Variants in TRPC3 observed in about 807,000 individuals in gnomAD.
TRPC3 encodes short transient receptor potential channel 3.
Under a neutral mutation model 90.9 loss-of-function variants are expected in TRPC3, and 54 were observed. The ratio of observed to expected loss-of-function variants is 0.59; its 90% CI spans 0.48 to 0.75. TRPC3 has a LOEUF of 0.75. TRPC3 is among the 30% of genes least tolerant of loss of function. The pLI, the probability that TRPC3 is intolerant of heterozygous loss-of-function variation, is 0.00. For missense variants in TRPC3, 918 were observed against 1,194.5 expected (o/e 0.77, Z 3.41); for synonymous variants, 424 against 450.9 (o/e 0.94, Z 0.75).
chr4:121,932,767 T>C lies in TRPC3; in HGVS notation c.491A>G (p.Glu164Gly). 2 of 1,613,594 alleles carry C rather than the reference T, an allele frequency of 1.2e-6. No homozygotes were observed. Among genetic ancestry groups the C allele is most frequent in the Non-Finnish European group, 1.7e-6 (2 of 1,179,682 alleles). The change falls in exon 2 of 12, where the codon GAG (glutamate) becomes GGG (glycine). Residue 164 changes from glutamate to glycine, a missense_variant. By Grantham distance (98) the Glu-to-Gly change is moderately conservative (BLOSUM62 -2). This residue lies in a region of TRPC3 where 609 missense variants were observed against 725.9 expected (regional missense o/e 0.84). Coordinates refer to ENST00000379645, the MANE Select transcript of TRPC3 (RefSeq NM_001130698.2). This position sits in a 1 kb window ranked among gnomAD's most constrained non-coding sequence, Gnocchi z 7.7. ...CAGGTTCTCCTTCTTGAGCAGCAGC[T>C]CGGTCACCTCCAGGTGCTCGTTGCC... The part of the protein sequence containing the change: ...AVGNEHLEVT[E>G]LLLKKENLAR...
chr4:121,876,325 A>G lies in TRPC3; in HGVS notation c.*3411T>C, dbSNP rs1370690276. Among the ~76,000 whole-genome samples, 2 of 152,200 alleles carry G rather than the reference A, an allele frequency of 1.3e-5. No individual in the cohort carries two copies. The highest frequency in any genetic ancestry group is 3.9e-4 in the East Asian group (2 of 5,188). ...CTTTATTTAAAAAATTTAAAAAGACATGGAAAGAAAGATTACCACCTTGGA... is the reference window on the plus strand; with the variant it reads ...CTTTATTTAAAAAATTTAAAAAGACGTGGAAAGAAAGATTACCACCTTGGA... On this transcript the variant is annotated 3_prime_UTR_variant, in exon 12 of 12. Transcript: ENST00000379645.
chr4:121,949,030 T>C (rs1730593151), intron 1 of TRPC3, among the ~76,000 whole-genome samples: 1 of 152,224 alleles, frequency 6.6e-6, no homozygotes, highest in African/African-American at 2.4e-5. Context: ...AGCCTACACT[T>C]TGCAAATATG....
chr4:121,898,387 T>G (rs1728590121), intron 10 of TRPC3, among the ~76,000 whole-genome samples: 1 of 152,174 alleles, frequency 6.6e-6, no homozygotes, highest in South Asian at 2.1e-4. Context: ...AGCAGCGGCA[T>G]TAGATTCTCC....
intron 1 of TRPC3, among the ~76,000 whole-genome samples, chr4:121,941,546 A>C (rs920181100): frequency 2.0e-5 from 3 of 152,210 alleles, no homozygotes; most frequent in Non-Finnish European, 2.9e-5. Context: ...AGATGGTGAT[A>C]ATTGGAAATG....
At chr4:121,914,056 C>G (rs1729207505) in intron 4 of TRPC3, among the ~76,000 whole-genome samples, 1 of 152,232 alleles carries the variant, frequency 6.6e-6, no homozygotes, top group African/African-American at 2.4e-5. Flanking sequence ...CCTGTAATAA[C>G]TGGCATGAAT....
At chr4:121,884,059 C>G (rs1728029357) in intron 10 of TRPC3, among the ~76,000 whole-genome samples, 1 of 152,062 alleles carries the variant, frequency 6.6e-6, no homozygotes, top group Non-Finnish European at 1.5e-5. Context: ...AGACAAATTG[C>G]AGTATTTTCA....
intron 10 of TRPC3, among the ~76,000 whole-genome samples, chr4:121,898,865 A>C (rs1432004036): frequency 6.6e-6 from 1 of 152,154 alleles, no homozygotes; most frequent in Non-Finnish European, 1.5e-5. Flanking sequence ...AATTTACAAA[A>C]ATTTTCTTAA....
intron 1 of TRPC3, chr4:121,950,455 G>C (rs974873678): frequency 6.6e-6 from 1 of 152,312 alleles, no homozygotes; most frequent in Non-Finnish European, 1.5e-5. Flanking sequence ...TCTCTACCTA[G>C]TTCTGAGCGT....
intron 7 of TRPC3, among the ~76,000 whole-genome samples, chr4:121,905,289 GAGA>G (rs1728842238): frequency 6.6e-6 from 1 of 152,076 alleles, no homozygotes; most frequent in East Asian, 1.9e-4. Flanking sequence ...CAAGGGTAGG[GAGA>G]AGGACAGGCA....
chr4:121,932,831 C>T lies in TRPC3; in HGVS notation c.427G>A (p.Val143Met), dbSNP rs776988235. 6.2e-7 allele frequency: 1 copy of T among 1,609,548 alleles called. No homozygotes were observed. The highest frequency in any genetic ancestry group is 1.1e-5 in the South Asian group (1 of 90,716). Residue 143 changes from valine (V) to methionine (M), a missense_variant, in exon 2 of 12, where the codon GTG becomes ATG. By Grantham distance (21) the Val-to-Met change is conservative. Around this residue, in one of 4 missense-constraint regions of TRPC3, gnomAD observed 609 missense variants for 725.9 expected, o/e 0.84. Transcript: ENST00000379645. The surrounding 1 kb of genome is among the most constrained non-coding windows in gnomAD (Gnocchi z 7.7). Reference sequence around the variant, plus strand: ...AGCGCGTTCTGGCCCATGTAGTCCACGCAGTTGACGTTCAGCGTCTTGGAC... The same window carrying T: ...AGCGCGTTCTGGCCCATGTAGTCCATGCAGTTGACGTTCAGCGTCTTGGAC... Reference protein sequence around the residue: ...EESKTLNVNCVDYMGQNALQL... With the variant: ...EESKTLNVNCMDYMGQNALQL...
chr4:121,948,177 GA>G (rs5861549), intron 1 of TRPC3, among the ~76,000 whole-genome samples: 104,427 of 145,232 alleles, frequency 0.72, 37,347 homozygotes, highest in East Asian at 0.84. Flanking sequence ...CCTTTAAAAA[GA>G]AAAAAAAAAA....
At chr4:121,919,458 T>C (rs1268258201) in intron 3 of TRPC3, among the ~76,000 whole-genome samples, 1 of 152,240 alleles carries the variant, frequency 6.6e-6, no homozygotes, top group African/African-American at 2.4e-5. Flanking sequence ...CTAAAACTTA[T>C]ATTGCACAGG....
At chr4:121,899,200 A>G (rs1380523154) in intron 10 of TRPC3, among the ~76,000 whole-genome samples, 2 of 152,196 alleles carry the variant, frequency 1.3e-5, no homozygotes, top group African/African-American at 4.8e-5. Flanking sequence ...TAAAAAATGG[A>G]TCACCTGAAA....
intron 10 of TRPC3, among the ~76,000 whole-genome samples, chr4:121,894,875 C>T (rs954149996): frequency 6.6e-6 from 1 of 152,008 alleles, no homozygotes; most frequent in Non-Finnish European, 1.5e-5. Flanking sequence ...TTCTTTTAAT[C>T]AGCACGTGGT....
intron 1 of TRPC3, among the ~76,000 whole-genome samples, chr4:121,939,049 C>T (rs1402038142): frequency 1.3e-5 from 2 of 152,152 alleles, no homozygotes; most frequent in African/African-American, 4.8e-5. Context: ...TCAAGGGGTA[C>T]TCCCGTACTA....
At position 121,876,023 on chromosome 4, in the gene TRPC3, T is replaced by C. The variant is rs773290642; in HGVS notation, c.*3713A>G. On this transcript the variant is annotated 3_prime_UTR_variant, in exon 12 of 12. Coordinates refer to ENST00000379645, the MANE Select transcript of TRPC3 (RefSeq NM_001130698.2). Reference sequence around the variant, plus strand: ...AAGTTATCCTCTCACCCCAGCCTCCTGAGTAACTGGAACCACAGACACATG... The same window carrying C: ...AAGTTATCCTCTCACCCCAGCCTCCCGAGTAACTGGAACCACAGACACATG... 2.7e-5 allele frequency among the ~76,000 whole-genome samples: 4 copies of C among 150,320 alleles called. No homozygotes were observed. The highest frequency in any genetic ancestry group is 9.8e-5 in the African/African-American group (4 of 40,868).
chr4:121,890,497 G>A (rs1728287318), intron 10 of TRPC3, among the ~76,000 whole-genome samples: 1 of 152,010 alleles, frequency 6.6e-6, no homozygotes, highest in African/African-American at 2.4e-5. Context: ...GAGGAAAAAG[G>A]AGCCAAAAAT....
chr4:121,896,924 G>A (rs150791167), intron 10 of TRPC3, among the ~76,000 whole-genome samples: 3 of 152,070 alleles, frequency 2.0e-5, no homozygotes, highest in African/African-American at 7.2e-5. Flanking sequence ...AAAACTACAC[G>A]GTACTGGCAT....
At chr4:121,914,646 A>C in intron 4 of TRPC3, 134 bp downstream of exon 4, 8 of 963,658 alleles carry the variant, frequency 8.3e-6, no homozygotes, top group Non-Finnish European at 1.0e-5. Context: ...ATTAAAAAGG[A>C]GAATCTGTGT....
Sources: allele counts gnomAD v4.1 joint callset (sites outside exome capture counted in the v4.1 genomes callset), GRCh38; gene constraint gnomAD v4.1.1; regional missense constraint gnomAD v4.1.1; non-coding constraint Gnocchi (gnomAD v3.1); transcripts MANE v1.5; gene names NCBI Gene and HGNC (gene_info 2026-07-23, HGNC 2026-07-21).